The following WWP2 variants were observed in gnomAD, a reference collection of about 807,000 sequenced individuals.
The protein encoded by WWP2 is WW domain containing E3 ubiquitin protein ligase 2, also known as NEDD4-like E3 ubiquitin-protein ligase WWP2.
Under a neutral mutation model 121.0 loss-of-function variants are expected in WWP2, and 57 were observed. That is an observed-to-expected ratio of 0.47 (90% CI 0.38 to 0.59). WWP2 has a LOEUF of 0.59. WWP2 is among the 20% of genes least tolerant of loss of function. The probability of loss-of-function intolerance (pLI) is 0.00; values close to 1 mark genes in which losing one functional copy is unlikely to be tolerated. For synonymous variants in WWP2, 449 were observed against 441.3 expected (o/e 1.02, Z -0.22); for missense variants, 962 against 1,158.9 (o/e 0.83, Z 2.47).
In WWP2 at chr16:69,887,952, G is replaced by A. The variant is rs77829805; in HGVS notation, c.704-87G>A. 3.3e-6 allele frequency: 5 copies of A among 1,496,178 alleles called. No homozygotes were observed. In the African/African-American group the frequency reaches 6.9e-5, roughly 21 times the overall value. The allele number at this position is 1,496,178 out of a possible 1,614,324, so 92.7% of individuals were successfully genotyped here. On this transcript the variant is annotated intron_variant, in intron 7 of 23. Transcript: ENST00000359154. The stretch of plus-strand genomic sequence containing the variant: ...TGTAGTGTAACATTGTAGATACCAT[G>A]TTAGCCTATTAAGTGAAAAACCTAG...
intron 4 of WWP2, among the ~76,000 whole-genome samples, chr16:69,827,288 T>C (rs2056718646): frequency 6.6e-6 from 1 of 152,026 alleles, no homozygotes; most frequent in African/African-American, 2.4e-5. Context: ...ATACTTATTT[T>C]TACATGATTT....
intron 1 of WWP2, among the ~76,000 whole-genome samples, chr16:69,771,651 C>T (rs1332995841): frequency 6.6e-6 from 1 of 152,196 alleles, no homozygotes; most frequent in African/African-American, 2.4e-5. Context: ...CATTTCCTTA[C>T]TTTAGGATCA....
At chr16:69,778,601 C>T (rs1311865245) in intron 1 of WWP2, among the ~76,000 whole-genome samples, 3 of 150,548 alleles carry the variant, frequency 2.0e-5, no homozygotes, top group East Asian at 1.9e-4. Context: ...GCTGAGAGGT[C>T]GAAAGTACTT....
intron 2 of WWP2, among the ~76,000 whole-genome samples, chr16:69,794,872 CAATTTGTATATATTGATTAGG>C (rs1432480496): frequency 8.5e-5 from 13 of 152,114 alleles, no homozygotes; most frequent in African/African-American, 2.9e-4. Context: ...TAGCCACAGG[CAATTTGTATATATTGATTAGG>C]TACTGAATTG....
chr16:69,778,546 G>A (rs1157896322), intron 1 of WWP2, among the ~76,000 whole-genome samples: 2 of 152,036 alleles, frequency 1.3e-5, no homozygotes, highest in South Asian at 2.1e-4. Flanking sequence ...GTGGGGATTT[G>A]GACCTAATAC....
At chr16:69,874,465 A>C (rs1394162658) in intron 7 of WWP2, among the ~76,000 whole-genome samples, 1 of 152,176 alleles carries the variant, frequency 6.6e-6, no homozygotes, top group Admixed American at 6.5e-5. Context: ...TTGGCTGCGC[A>C]CTGCAGTTAT....
chr16:69,870,158 TA>T (rs2057607348), intron 6 of WWP2, among the ~76,000 whole-genome samples: 1 of 152,212 alleles, frequency 6.6e-6, no homozygotes, highest in Non-Finnish European at 1.5e-5. Flanking sequence ...ATAATAATAT[TA>T]ATCTACCTTT....
chr16:69,909,658 C>G, intron 9 of WWP2: 1 of 985,324 alleles, frequency 1.0e-6, no homozygotes, highest in Non-Finnish European at 1.2e-6. Context: ...TCCACTTTGA[C>G]TTGAAGTCAA....
At chr16:69,846,462 G>A (rs984480826) in intron 6 of WWP2, among the ~76,000 whole-genome samples, 3 of 152,220 alleles carry the variant, frequency 2.0e-5, no homozygotes, top group African/African-American at 7.2e-5. Flanking sequence ...GCTCACGCCT[G>A]TAATCCCAGC....
chr16:69,845,257 G>A (rs2057049539), intron 6 of WWP2, among the ~76,000 whole-genome samples: 1 of 152,062 alleles, frequency 6.6e-6, no homozygotes, highest in Admixed American at 6.6e-5. Flanking sequence ...GTGGCAGTGG[G>A]TTTTCTTTGT....
At chr16:69,793,481 C>G (rs997413990) in intron 2 of WWP2, among the ~76,000 whole-genome samples, 13 of 152,058 alleles carry the variant, frequency 8.5e-5, no homozygotes. Flanking sequence ...CCTGGAGGCT[C>G]AGAGATTAGG....
intron 4 of WWP2, among the ~76,000 whole-genome samples, chr16:69,835,968 A>G (rs1244625079): frequency 6.6e-6 from 1 of 151,882 alleles, no homozygotes; most frequent in Admixed American, 6.6e-5. Context: ...ATGCCTGGAT[A>G]ATTTTTGTAT....
chr16:69,823,278 T>G (rs1485205671), intron 4 of WWP2, among the ~76,000 whole-genome samples: 3 of 152,208 alleles, frequency 2.0e-5, no homozygotes, highest in African/African-American at 7.2e-5. Flanking sequence ...TGGCCTCAGG[T>G]GTGTCTTTCT....
At chr16:69,793,023 T>C (rs2055945549) in intron 2 of WWP2, among the ~76,000 whole-genome samples, 1 of 152,132 alleles carries the variant, frequency 6.6e-6, no homozygotes, top group Non-Finnish European at 1.5e-5. Context: ...GAAACAATTG[T>C]AATCACCCAG....
chr16:69,869,194 T>C (rs2057585766), intron 6 of WWP2, among the ~76,000 whole-genome samples: 2 of 152,068 alleles, frequency 1.3e-5, no homozygotes, highest in Non-Finnish European at 2.9e-5. Flanking sequence ...GGCCAACAGC[T>C]TTTGATTTAT....
At chr16:69,863,694 A>G (rs2057468518) in intron 6 of WWP2, among the ~76,000 whole-genome samples, 1 of 152,178 alleles carries the variant, frequency 6.6e-6, no homozygotes, top group Non-Finnish European at 1.5e-5. Context: ...TCATCACCCC[A>G]GAAAGTTCCC....
chr16:69,804,538 C>A (rs1214970625), intron 4 of WWP2, among the ~76,000 whole-genome samples: 1 of 152,104 alleles, frequency 6.6e-6, no homozygotes, highest in Admixed American at 6.6e-5. Context: ...CCATTGAATC[C>A]ATCGTTTTAT....
At chr16:69,931,726 G>C (rs1373315270) in intron 15 of WWP2, 76 bp from the exon 16 acceptor site, 1 of 1,581,936 alleles carries the variant, frequency 6.3e-7, no homozygotes, top group African/African-American at 1.3e-5. Context: ...TTGGGCCTTA[G>C]AGTCCCCTGT....
intron 8 of WWP2, among the ~76,000 whole-genome samples, chr16:69,905,637 A>G (rs767815623): frequency 6.6e-6 from 1 of 152,242 alleles, no homozygotes; most frequent in Non-Finnish European, 1.5e-5. Flanking sequence ...CCAAGCATCT[A>G]GAGAAGGGGC....
Sources: gnomAD v4.1 joint callset for allele counts (sites outside exome capture counted in the v4.1 genomes callset) on GRCh38, gnomAD v4.1.1 for gene constraint, MANE v1.5 for transcripts, NCBI Gene and HGNC (gene_info 2026-07-23, HGNC 2026-07-21) for gene names.